HS3ST3A1: variants seen among roughly 807,000 people sequenced by gnomAD.
HS3ST3A1 encodes heparan sulfate glucosamine 3-O-sulfotransferase 3A1.
Under a neutral mutation model 25.7 loss-of-function variants are expected in HS3ST3A1, and 19 were observed. The ratio of observed to expected loss-of-function variants is 0.74; its 90% CI spans 0.52 to 1.08. HS3ST3A1 has a LOEUF of 1.08. Ranked by LOEUF, HS3ST3A1 falls within the 50% of genes least tolerant of loss-of-function variation. HS3ST3A1 has a pLI of 0.00. For missense variants in HS3ST3A1, 459 were observed against 594.3 expected (o/e 0.77, Z 2.37); for synonymous variants, 226 against 278.6 (o/e 0.81, Z 1.88).
intron 1 of HS3ST3A1, among the ~76,000 whole-genome samples, chr17:13,580,587 G>C (rs1000122367): frequency 6.6e-6 from 1 of 152,212 alleles, no homozygotes; most frequent in Admixed American, 6.5e-5. Flanking sequence ...GATTTTAGGG[G>C]TAAGACTCAG....
chr17:13,571,355 T>C (rs573890478), intron 1 of HS3ST3A1, among the ~76,000 whole-genome samples: 1 of 152,348 alleles, frequency 6.6e-6, no homozygotes. Context: ...TGTGTCTGTT[T>C]TCAAAGAAAC....
Position 13,526,900 on chromosome 17 carries a change from G to A in HS3ST3A1, c.600-30082C>T, listed in dbSNP as rs59579113. 3.8e-3 allele frequency among the ~76,000 whole-genome samples: 573 copies of A among 152,098 alleles called. 3 individuals are homozygous for A. Among genetic ancestry groups the A allele is most frequent in the African/African-American group, 0.013 (547 of 41,502 alleles). ...ACTCCCGACCTCAGGTGATCTACCC[G>A]CCTTGGCCTCTCAAAGTGCTGGGAT... On this transcript the variant is annotated intron_variant, in intron 1 of 1. Transcript: ENST00000284110.
At chr17:13,542,179 T>C (rs144115430) in intron 1 of HS3ST3A1, among the ~76,000 whole-genome samples, 165 of 151,858 alleles carry the variant, frequency 1.1e-3, no homozygotes, top group African/African-American at 3.3e-3. Flanking sequence ...AATACAAAAA[T>C]AGCTGGGCAT....
chr17:13,555,145 T>A (rs2142359783), intron 1 of HS3ST3A1, among the ~76,000 whole-genome samples: 1 of 152,234 alleles, frequency 6.6e-6, no homozygotes, highest in African/African-American at 2.4e-5. Flanking sequence ...CAAAAACACT[T>A]ATGGCTTCCT....
Position 13,588,019 on chromosome 17 carries a change from C to G in HS3ST3A1, c.599+12512G>C, listed in dbSNP as rs561782772. Among the ~76,000 whole-genome samples, 4 of 152,194 alleles carry G rather than the reference C, an allele frequency of 2.6e-5. No homozygotes were observed. In the South Asian group the frequency reaches 8.3e-4, roughly 32 times the overall value. ...CATCAATATTAGCTGCGGGTGCTCA[C>G]CTGAGAGTAACCCATAAATAAAGGA... is the stretch of plus-strand genomic sequence containing the variant. On this transcript the variant is annotated intron_variant, in intron 1 of 1. Transcript: ENST00000284110.
intron 1 of HS3ST3A1, among the ~76,000 whole-genome samples, chr17:13,593,041 G>C (rs895879493): frequency 6.6e-6 from 1 of 152,172 alleles, no homozygotes; most frequent in African/African-American, 2.4e-5. Context: ...CCTATGGAAA[G>C]TTTCATAACC....
chr17:13,541,754 A>T (rs1333812201), intron 1 of HS3ST3A1, among the ~76,000 whole-genome samples: 1 of 152,302 alleles, frequency 6.6e-6, no homozygotes, highest in South Asian at 2.1e-4. Flanking sequence ...GGCAGTTTCC[A>T]TAGCATTCGT....
In HS3ST3A1 at chr17:13,593,233, C is replaced by A. The variant is rs1218851115; in HGVS notation, c.599+7298G>T. ...CACCTGTTCCTTCTATGTTTGTAGC[C>A]AAAAAAAAAAAAAAAAAAAAGTCAT... On this transcript the variant is annotated intron_variant, in intron 1 of 1. Coordinates refer to ENST00000284110, the MANE Select transcript of HS3ST3A1 (RefSeq NM_006042.3). Among the ~76,000 whole-genome samples, 321 of 102,918 alleles carry A rather than the reference C, an allele frequency of 3.1e-3. 1 individual carries two copies. Among genetic ancestry groups the A allele is most frequent in the Admixed American group, 4.3e-3 (40 of 9,246 alleles). The allele number at this position is 102,918 out of a possible 152,430, so 67.5% of individuals were successfully genotyped here.
intron 1 of HS3ST3A1, among the ~76,000 whole-genome samples, chr17:13,516,556 G>A (rs977703012): frequency 3.9e-5 from 6 of 152,128 alleles, no homozygotes; most frequent in Non-Finnish European, 8.8e-5. Flanking sequence ...AAGTCATGAA[G>A]CCTTAATAAA....
chr17:13,548,963 A>C (rs1907167839), intron 1 of HS3ST3A1, among the ~76,000 whole-genome samples: 2 of 152,230 alleles, frequency 1.3e-5, no homozygotes. Context: ...GCAGAGCCAA[A>C]TAAGAACTAA....
At chr17:13,510,700 T>G (rs1328256374) in intron 1 of HS3ST3A1, among the ~76,000 whole-genome samples, 1 of 145,016 alleles carries the variant, frequency 6.9e-6, no homozygotes. Context: ...AATATCTCAG[T>G]GTCCTTGATT....
chr17:13,533,168 G>T (rs558571902), intron 1 of HS3ST3A1, among the ~76,000 whole-genome samples: 7 of 152,046 alleles, frequency 4.6e-5, no homozygotes, highest in Admixed American at 4.6e-4. Flanking sequence ...CATGTATAAG[G>T]TTAATATATA....
intron 1 of HS3ST3A1, among the ~76,000 whole-genome samples, chr17:13,525,149 T>A (rs1191893308): frequency 6.6e-6 from 1 of 152,152 alleles, no homozygotes; most frequent in Non-Finnish European, 1.5e-5. Context: ...TTAAACTTAT[T>A]TCATATTGTT....
At chr17:13,508,985 A>C (rs1905775404) in intron 1 of HS3ST3A1, among the ~76,000 whole-genome samples, 1 of 150,878 alleles carries the variant, frequency 6.6e-6, no homozygotes, top group African/African-American at 2.4e-5. Context: ...TTTTTAGCCT[A>C]AGTGCCAATC....
At chr17:13,566,462 T>C (rs769604538) in intron 1 of HS3ST3A1, among the ~76,000 whole-genome samples, 5 of 152,174 alleles carry the variant, frequency 3.3e-5, no homozygotes, top group Non-Finnish European at 7.3e-5. Context: ...ACGTTATAAA[T>C]GTTCAAGGGA....
At chr17:13,545,662 G>A (rs768921241) in intron 1 of HS3ST3A1, among the ~76,000 whole-genome samples, 28 of 152,140 alleles carry the variant, frequency 1.8e-4, no homozygotes, top group Non-Finnish European at 3.5e-4. Context: ...AGAAACCTCC[G>A]TTGCTCATGT....
intron 1 of HS3ST3A1, among the ~76,000 whole-genome samples, chr17:13,497,244 T>C (rs1368708572): frequency 1.3e-5 from 2 of 152,204 alleles, no homozygotes; most frequent in East Asian, 1.9e-4. Context: ...GCCCTTCCTG[T>C]AGTTTTCTTA....
At chr17:13,588,718 C>G (rs1908343934) in intron 1 of HS3ST3A1, among the ~76,000 whole-genome samples, 1 of 149,852 alleles carries the variant, frequency 6.7e-6, no homozygotes, top group Non-Finnish European at 1.5e-5. Flanking sequence ...GAGTCTCGCT[C>G]TGTTGCCCAG....
At chr17:13,550,313 C>T (rs2142355320) in intron 1 of HS3ST3A1, among the ~76,000 whole-genome samples, 1 of 152,292 alleles carries the variant, frequency 6.6e-6, no homozygotes, top group African/African-American at 2.4e-5. Context: ...AGCTACACCT[C>T]ATTTGCCAAC....
Sources: allele counts gnomAD v4.1 joint callset (sites outside exome capture counted in the v4.1 genomes callset), GRCh38; gene constraint gnomAD v4.1.1; transcripts MANE v1.5; gene names NCBI Gene and HGNC (gene_info 2026-07-23, HGNC 2026-07-21).